Variants in CSMD1 observed in about 807,000 individuals in gnomAD.
CSMD1 encodes the protein CUB and Sushi multiple domains 1.
A neutral mutation model predicts 417.5 loss-of-function variants in CSMD1; 213 were observed. That is an observed-to-expected ratio of 0.51 (90% CI 0.46 to 0.57). CSMD1 has a LOEUF of 0.57. Ranked by LOEUF, CSMD1 falls within the 20% of genes least tolerant of loss-of-function variation. The pLI, the probability that CSMD1 is intolerant of heterozygous loss-of-function variation, is 0.00. For missense variants in CSMD1, 6,923 were observed against 4,529.7 expected, an observed-to-expected ratio of 1.53 and a Z score of -15.17; for synonymous variants, 2,862 against 1,736.8, an observed-to-expected ratio of 1.65 and a Z score of -16.11.
intron 8 of CSMD1, among the ~76,000 whole-genome samples, chr8:3,588,674 A>C (rs948433847): frequency 1.2e-4 from 19 of 152,116 alleles, no homozygotes; most frequent in African/African-American, 4.6e-4. Context: ...TGAGAAAAAC[A>C]ATCAATAAGC....
intron 30 of CSMD1, among the ~76,000 whole-genome samples, chr8:3,206,583 G>A (rs1001247711): frequency 7.1e-6 from 1 of 140,698 alleles, no homozygotes; most frequent in Admixed American, 7.3e-5. Context: ...GTGTGTGTAT[G>A]TGTGGGGGGC....
At chr8:3,168,644 C>A (rs1820383989) in intron 37 of CSMD1, among the ~76,000 whole-genome samples, 2 of 151,904 alleles carry the variant, frequency 1.3e-5, no homozygotes, top group South Asian at 4.2e-4. Context: ...CACACACACA[C>A]ACACACACAA....
intron 5 of CSMD1, among the ~76,000 whole-genome samples, chr8:3,913,920 T>C (rs1461633402): frequency 1.3e-5 from 2 of 152,170 alleles, no homozygotes; most frequent in Non-Finnish European, 2.9e-5. Context: ...AGTCCAGTTT[T>C]GGACTCAAAT....
intron 1 of CSMD1, among the ~76,000 whole-genome samples, chr8:4,909,265 T>C (rs73507909): frequency 0.03 from 4,546 of 152,248 alleles, 220 homozygotes; most frequent in African/African-American, 0.1. Context: ...GTGAGTCTTT[T>C]AGTGATCCTG....
chr8:3,813,449 G>T (rs925369713), intron 5 of CSMD1, among the ~76,000 whole-genome samples: 3 of 152,052 alleles, frequency 2.0e-5, no homozygotes, highest in Non-Finnish European at 4.4e-5. Flanking sequence ...AAGTCTATAA[G>T]CATGGTATTT....
At chr8:3,144,706 G>C (rs969499912) in intron 40 of CSMD1, among the ~76,000 whole-genome samples, 1 of 151,150 alleles carries the variant, frequency 6.6e-6, no homozygotes, top group African/African-American at 2.4e-5. Context: ...GTGAGCTATT[G>C]TTTCTAAATT....
intron 3 of CSMD1, among the ~76,000 whole-genome samples, chr8:4,119,893 C>G (rs1178105412): frequency 6.6e-6 from 1 of 152,096 alleles, no homozygotes; most frequent in South Asian, 2.1e-4. Context: ...AGGACAGTTG[C>G]CGGAGTCTGG....
chr8:4,851,789 C>G (rs960655107), intron 1 of CSMD1, among the ~76,000 whole-genome samples: 2 of 152,146 alleles, frequency 1.3e-5, no homozygotes, highest in African/African-American at 4.8e-5. Flanking sequence ...TTAAGTCACC[C>G]TCCCCTTTAA....
At chr8:3,269,743 G>A (rs1801701324) in intron 26 of CSMD1, among the ~76,000 whole-genome samples, 1 of 152,118 alleles carries the variant, frequency 6.6e-6, no homozygotes, top group Non-Finnish European at 1.5e-5. Context: ...TGATTAAATG[G>A]TAATTAAGCT....
chr8:4,701,782 G>T (rs945286344), intron 1 of CSMD1, among the ~76,000 whole-genome samples: 1 of 79,848 alleles, frequency 1.3e-5, no homozygotes, highest in East Asian at 4.0e-4. Flanking sequence ...GAAAACCTTG[G>T]GTGGAAGATT....
chr8:4,020,430 T>C (rs1020475523), intron 4 of CSMD1, among the ~76,000 whole-genome samples: 1 of 152,194 alleles, frequency 6.6e-6, no homozygotes, highest in Non-Finnish European at 1.5e-5. Flanking sequence ...TTACTTTTTC[T>C]ATGCTCTATT....
chr8:3,971,396 T>A (rs1304842905), intron 5 of CSMD1, among the ~76,000 whole-genome samples: 1 of 152,170 alleles, frequency 6.6e-6, no homozygotes, highest in Non-Finnish European at 1.5e-5. Flanking sequence ...CTATTAAGTT[T>A]TTATAAAATG....
chr8:4,381,802 G>A (rs1212980930), intron 3 of CSMD1, among the ~76,000 whole-genome samples: 1 of 152,012 alleles, frequency 6.6e-6, no homozygotes, highest in African/African-American at 2.4e-5. Flanking sequence ...TTTTTCTGCT[G>A]ATGACTTAGT....
rs192834124 is a variant in CSMD1, at chr8:4,476,552, G to A, written c.303-56487C>T. 1.9e-3 allele frequency among the ~76,000 whole-genome samples: 293 copies of A among 152,198 alleles called. 2 individuals carry two copies. Among genetic ancestry groups the A allele is most frequent in the African/African-American group, 6.3e-3 (261 of 41,540 alleles). ...AATATGTATTTATAAAACAGAAAGG[G>A]ATTTTAAAATAAAACATAATCAAAT... On this transcript the variant is annotated intron_variant, in intron 2 of 69. Transcript: ENST00000635120.
intron 6 of CSMD1, among the ~76,000 whole-genome samples, chr8:3,736,696 G>T (rs13266405): frequency 0.35 from 52,582 of 152,022 alleles, 9,278 homozygotes; most frequent in Admixed American, 0.38. Flanking sequence ...AATGGAGCTG[G>T]GGATAAGGAC....
intron 26 of CSMD1, among the ~76,000 whole-genome samples, chr8:3,244,283 C>G (rs1477809167): frequency 6.6e-6 from 1 of 152,128 alleles, no homozygotes; most frequent in African/African-American, 2.4e-5. Flanking sequence ...CTGCGAAGCT[C>G]CTTGTTTCTG....
rs185475848 is a variant in CSMD1, at chr8:4,965,102, G to C, written c.85+29230C>G. On this transcript the variant is annotated intron_variant, in intron 1 of 69. Transcript: ENST00000635120. ...TCTCTATTGTAGGCAAATAGCTTAT[G>C]TAATGTGAATATGCACATCTGTTCT... 3.3e-5 allele frequency among the ~76,000 whole-genome samples: 5 copies of C among 152,286 alleles called. No homozygotes were observed. The East Asian group carries it at 5.8e-4, about 18-fold the overall frequency.
At chr8:3,854,626 G>T (rs550744555) in intron 5 of CSMD1, among the ~76,000 whole-genome samples, 2 of 151,974 alleles carry the variant, frequency 1.3e-5, no homozygotes, top group Non-Finnish European at 2.9e-5. Context: ...TAGCTCCATT[G>T]TCAGGCCTTA....
chr8:3,439,082 C>A, intron 12 of CSMD1, among the ~76,000 whole-genome samples: 1 of 121,822 alleles, frequency 8.2e-6, no homozygotes, highest in African/African-American at 3.3e-5. Context: ...AAGATCGTGC[C>A]ACTGCACTCC....
Sources: allele counts gnomAD v4.1 joint callset (sites outside exome capture counted in the v4.1 genomes callset), GRCh38; gene constraint gnomAD v4.1.1; transcripts MANE v1.5; gene names NCBI Gene and HGNC (gene_info 2026-07-23, HGNC 2026-07-21).